The following ATIC variants were observed in gnomAD, a reference collection of about 807,000 sequenced individuals.
ATIC encodes the protein 5-aminoimidazole-4-carboxamide ribonucleotide formyltransferase/IMP cyclohydrolase.
Under a neutral mutation model 72.5 loss-of-function variants are expected in ATIC, and 64 were observed. The observed-to-expected ratio is 0.88, with a 90% CI of 0.72 to 1.09. The LOEUF (loss-of-function observed/expected upper bound fraction) is 1.09. Among genes scored for constraint, ATIC ranks in the 50% least tolerant of loss-of-function variants. The pLI is 0.00. For synonymous variants in ATIC, 281 were observed against 267.1 expected, an observed-to-expected ratio of 1.05 and a Z score of -0.51; for missense variants, 787 against 732.4, an observed-to-expected ratio of 1.07 and a Z score of -0.86.
In ATIC at chr2:215,325,236, T is replaced by C. The variant is rs550473309; in HGVS notation, c.291-5T>C. The C allele has an allele frequency of 5.0e-6, 8 of 1,611,638 alleles. No homozygotes were observed. In the Admixed American group the frequency reaches 8.3e-5, roughly 17 times the overall value. ...ATGACAGCCAGATTCGTCTTTGTTT[T>C]ATAGAGTTGTTGCCTGCAATCTCTA... On this transcript the variant is annotated splice_region_variant and splice_polypyrimidine_tract_variant and intron_variant, in intron 4 of 15. Coordinates refer to ENST00000236959, the MANE Select transcript of ATIC (RefSeq NM_004044.7).
downstream of ATIC, among the ~76,000 whole-genome samples, chr2:215,352,057 G>A (rs2053134579): frequency 6.6e-6 from 1 of 152,174 alleles, no homozygotes; most frequent in Non-Finnish European, 1.5e-5. Context: ...AAACTTTCAT[G>A]CCTAGAAGGG....
chr2:215,318,135 A>G (rs1314844834), intron 2 of ATIC, 22 bp from the exon 3 acceptor site: 2 of 1,603,814 alleles, frequency 1.2e-6, no homozygotes, highest in Non-Finnish European at 1.7e-6. Context: ...CAGTAGTACC[A>G]TTCTGTTTAT....
rs1243773570 is a variant in ATIC at position 215,338,980 on chromosome 2, C to G, written c.1227+73C>G. 7 of 1,587,734 alleles carry G rather than the reference C, an allele frequency of 4.4e-6. No homozygotes were observed. The African/African-American group carries it at 8.1e-5, about 18-fold the overall frequency. On this transcript the variant is annotated intron_variant, in intron 12 of 15. Transcript: ENST00000236959. ...TGTTTTCAATACTTAATGAGCTTTACATTTATTAAGGTCTGGATTTGGAAC... is the reference window on the plus strand; with the variant it reads ...TGTTTTCAATACTTAATGAGCTTTAGATTTATTAAGGTCTGGATTTGGAAC...
chr2:215,323,654 A>G lies in ATIC; in HGVS notation c.291-1587A>G, dbSNP rs1053687304. 3.3e-5 allele frequency among the ~76,000 whole-genome samples: 5 copies of G among 152,230 alleles called. No individual in the cohort carries two copies. In the East Asian group the frequency reaches 7.7e-4, roughly 23 times the overall value. ...ACTAGGTGGTATCATCTGCAAATAG[A>G]TATAACTTCACTGCTTTCTTTCCAG... On this transcript the variant is annotated intron_variant, in intron 4 of 15. Coordinates refer to ENST00000236959, the MANE Select transcript of ATIC (RefSeq NM_004044.7).
intron 12 of ATIC, among the ~76,000 whole-genome samples, chr2:215,339,405 A>G (rs1289088716): frequency 6.6e-6 from 1 of 151,990 alleles, no homozygotes; most frequent in Non-Finnish European, 1.5e-5. Context: ...AGGTCCAGCT[A>G]CTCGAGAGGC....
the ATIC span, chr2:215,364,960 C>T: frequency 1.3e-6 from 2 of 1,580,232 alleles, no homozygotes; most frequent in Non-Finnish European, 1.7e-6. Flanking sequence ...GGTATGTCTT[C>T]CCATCATCAT....
the ATIC span, chr2:215,364,938 G>C: frequency 2.5e-6 from 4 of 1,579,632 alleles, no homozygotes; most frequent in South Asian, 4.6e-5. Context: ...TTCTGCCACT[G>C]TTCTCCTACG....
chr2:215,366,903 T>C, the ATIC span, among the ~76,000 whole-genome samples: 4 of 152,234 alleles, frequency 2.6e-5, no homozygotes, highest in Admixed American at 6.5e-5. Context: ...CTAAACAGCA[T>C]GTGATGTTTT....
intron 11 of ATIC, among the ~76,000 whole-genome samples, chr2:215,336,783 A>C (rs1338706915): frequency 6.6e-6 from 1 of 152,228 alleles, no homozygotes; most frequent in Non-Finnish European, 1.5e-5. Flanking sequence ...TGAGAGTGAA[A>C]TTAAGGCTTA....
intron 7 of ATIC, among the ~76,000 whole-genome samples, chr2:215,331,381 G>GTTGTT (rs755486087): frequency 1.7e-5 from 2 of 117,518 alleles, no homozygotes; most frequent in African/African-American, 3.2e-5. Flanking sequence ...TGTTTTTTGG[G>GTTGTT]TTTTTTTTTT....
chr2:215,366,000 T>C, the ATIC span, among the ~76,000 whole-genome samples: 1 of 140,582 alleles, frequency 7.1e-6, no homozygotes, highest in African/African-American at 2.6e-5. Flanking sequence ...GTATTTTTTG[T>C]AGAGATGGGG....
chr2:215,314,374 C>T (rs956994768), intron 2 of ATIC, among the ~76,000 whole-genome samples: 2 of 152,152 alleles, frequency 1.3e-5, no homozygotes, highest in African/African-American at 4.8e-5. Flanking sequence ...TATATAAACT[C>T]TTATAGTCCT....
intron 10 of ATIC, among the ~76,000 whole-genome samples, chr2:215,335,345 G>A (rs1179563979): frequency 1.3e-5 from 2 of 152,158 alleles, no homozygotes; most frequent in Non-Finnish European, 2.9e-5. Flanking sequence ...TTACTGCATA[G>A]TGGGTAAAAA....
Position 215,349,230 on chromosome 2 carries a change from A to C in ATIC, c.1640A>C (p.Asn547Thr). Residue 547 changes from asparagine to threonine, a missense_variant, in exon 15 of 16, where the codon AAC (asparagine) becomes ACC (threonine). Coordinates refer to ENST00000236959, the MANE Select transcript of ATIC (RefSeq NM_004044.7). ...SSDAFFPFRD[N>T]VDRAKRSGVA... is the part of the protein sequence containing the mutation. ...GATGCCTTCTTCCCTTTCCGAGATA[A>C]CGTAGACAGAGCTAAAAGGGTAAGT... 1 of 1,614,184 alleles carries C rather than the reference A, an allele frequency of 6.2e-7. No individual in the cohort carries two copies. Among genetic ancestry groups the C allele is most frequent in the Non-Finnish European group, 8.5e-7 (1 of 1,180,020 alleles).
intron 14 of ATIC, chr2:215,347,729 A>G: frequency 4.2e-6 from 2 of 473,172 alleles, no homozygotes; most frequent in Non-Finnish European, 8.4e-6. Context: ...TTTCTGTTTG[A>G]TATTACCAGT....
chr2:215,343,500 C>T (rs1276647425), intron 12 of ATIC, among the ~76,000 whole-genome samples: 1 of 152,106 alleles, frequency 6.6e-6, no homozygotes, highest in Non-Finnish European at 1.5e-5. Context: ...CCACACCTGG[C>T]AAATTTTTAT....
At chr2:215,314,599 A>G (rs1019585812) in intron 2 of ATIC, among the ~76,000 whole-genome samples, 2 of 152,026 alleles carry the variant, frequency 1.3e-5, no homozygotes, top group African/African-American at 4.8e-5. Flanking sequence ...CCCAGGTTCA[A>G]ACGATTCTCC....
At chr2:215,312,294 C>G in intron 1 of ATIC, 133 bp downstream of exon 1, 1 of 1,441,748 alleles carries the variant, frequency 6.9e-7, no homozygotes, top group Non-Finnish European at 9.2e-7. Flanking sequence ...TCCCCGCTCC[C>G]CGGCCGGGCC....
chr2:215,339,050 C>G, intron 12 of ATIC, 143 bp downstream of exon 12: 1 of 1,174,450 alleles, frequency 8.5e-7, no homozygotes, highest in South Asian at 1.3e-5. Context: ...TGAGTTGTCA[C>G]ATAAGCTTTG....
Sources: gnomAD v4.1 joint callset for allele counts (sites outside exome capture counted in the v4.1 genomes callset) on GRCh38, gnomAD v4.1.1 for gene constraint, MANE v1.5 for transcripts, NCBI Gene and HGNC (gene_info 2026-07-23, HGNC 2026-07-21) for gene names.